Variants in KLF16 observed in about 807,000 individuals in gnomAD.
The protein encoded by KLF16 is Krueppel-like factor 16.
Under a neutral mutation model 6.1 loss-of-function variants are expected in KLF16, and 6 were observed. That is an observed-to-expected ratio of 0.98 (90% CI 0.54 to 1.93). KLF16 has a LOEUF of 1.93. Among genes scored for constraint, KLF16 ranks in the 30% most tolerant of loss-of-function variants. KLF16 has a pLI of 0.01. For missense variants in KLF16, 355 were observed against 363.8 expected (o/e 0.98, Z 0.20); for synonymous variants, 211 against 176.5 (o/e 1.20, Z -1.55).
At chr19:1,866,224 C>T (rs2012186278), upstream of KLF16, among the ~76,000 whole-genome samples, 3 of 151,894 alleles carry the variant, frequency 2.0e-5, no homozygotes, top group Non-Finnish European at 4.4e-5. Flanking sequence ...AGGAGAATCG[C>T]TTGAATCTGG....
chr19:1,867,961 T>TGTGTGTGTGTGC (rs1555831975), upstream of KLF16, among the ~76,000 whole-genome samples: 7 of 146,200 alleles, frequency 4.8e-5, no homozygotes, highest in African/African-American at 1.5e-4. Flanking sequence ...TGTGTGTGTG[T>TGTGTGTGTGTGC]GCGTGCGCGC....
At chr19:1,855,648 G>A (rs1369868963) in intron 1 of KLF16, among the ~76,000 whole-genome samples, 5 of 152,236 alleles carry the variant, frequency 3.3e-5, no homozygotes, top group Non-Finnish European at 7.3e-5. Flanking sequence ...CTCTAGAACT[G>A]TGCCACCCGA....
intron 1 of KLF16, among the ~76,000 whole-genome samples, chr19:1,859,101 C>A (rs2012011609): frequency 6.8e-6 from 1 of 146,138 alleles, no homozygotes; most frequent in Non-Finnish European, 1.5e-5. Flanking sequence ...TATGGCCTGG[C>A]ACTGCCCCAC....
intron 1 of KLF16, among the ~76,000 whole-genome samples, chr19:1,858,382 GC>G (rs1446280938): frequency 6.6e-6 from 1 of 152,172 alleles, no homozygotes; most frequent in Non-Finnish European, 1.5e-5. Context: ...GTGGCCTGGT[GC>G]CCCCCAAGCA....
chr19:1,864,977 C>G (rs898983930), upstream of KLF16, among the ~76,000 whole-genome samples: 1 of 152,220 alleles, frequency 6.6e-6, no homozygotes, highest in Non-Finnish European at 1.5e-5. Context: ...GGACAGAGGC[C>G]CTGACCCGAT....
upstream of KLF16, among the ~76,000 whole-genome samples, chr19:1,864,622 C>T (rs1195601641): frequency 6.6e-6 from 1 of 152,306 alleles, no homozygotes; most frequent in Middle Eastern, 3.4e-3. Context: ...CAGAGGTTCC[C>T]CGCCCTGCTG....
At chr19:1,870,824 C>T in the KLF16 span, among the ~76,000 whole-genome samples, 12 of 152,108 alleles carry the variant, frequency 7.9e-5, no homozygotes, top group South Asian at 8.3e-4. Flanking sequence ...GGTGAAACCC[C>T]GTCTCTACTA....
At chr19:1,859,687 CCCTG>C (rs1386690226) in intron 1 of KLF16, among the ~76,000 whole-genome samples, 1 of 152,146 alleles carries the variant, frequency 6.6e-6, no homozygotes, top group Non-Finnish European at 1.5e-5. Flanking sequence ...TCACTAGCAT[CCCTG>C]TTGCCACCCC....
chr19:1,868,942 C>T, the KLF16 span, among the ~76,000 whole-genome samples: 1 of 152,018 alleles, frequency 6.6e-6, no homozygotes, highest in Non-Finnish European at 1.5e-5. Context: ...CGCACCCGGC[C>T]GATGAGGGGA....
upstream of KLF16, among the ~76,000 whole-genome samples, chr19:1,866,631 C>T (rs925519112): frequency 2.0e-5 from 3 of 150,318 alleles, no homozygotes; most frequent in Non-Finnish European, 3.0e-5. Context: ...AAAAAATTAG[C>T]GGGCGCAGTG....
At chr19:1,856,760 C>A (rs1259147664) in intron 1 of KLF16, among the ~76,000 whole-genome samples, 1 of 152,200 alleles carries the variant, frequency 6.6e-6, no homozygotes, top group Non-Finnish European at 1.5e-5. Context: ...TTGGGGCTCG[C>A]GCCCCTCCAG....
chr19:1,857,623 G>C lies in KLF16; in HGVS notation c.458-2863C>G, dbSNP rs903905984. On this transcript the variant is annotated intron_variant, in intron 1 of 1. Transcript: ENST00000250916. This position sits in a 1 kb window ranked among gnomAD's most constrained non-coding sequence, Gnocchi z 4.7. ...GGACTGTGCCAAGGGCCCTGGTTCCGACAGGGAAGCCTCACCTCCTGAGCT... is the reference window on the plus strand; with the variant it reads ...GGACTGTGCCAAGGGCCCTGGTTCCCACAGGGAAGCCTCACCTCCTGAGCT... Among the ~76,000 whole-genome samples, 1 of 152,038 alleles carries C rather than the reference G, an allele frequency of 6.6e-6. No individual in the cohort carries two copies. The highest frequency in any genetic ancestry group is 1.5e-5 in the Non-Finnish European group (1 of 67,980).
At chr19:1,858,806 G>A (rs1383464260) in intron 1 of KLF16, among the ~76,000 whole-genome samples, 1 of 152,124 alleles carries the variant, frequency 6.6e-6, no homozygotes, top group Non-Finnish European at 1.5e-5. Flanking sequence ...CAAGGACCCT[G>A]GTGCCTGTGT....
chr19:1,861,110 A>G (rs544598434), intron 1 of KLF16, among the ~76,000 whole-genome samples: 5 of 151,846 alleles, frequency 3.3e-5, no homozygotes, highest in Non-Finnish European at 7.4e-5. Context: ...CGGGATAACA[A>G]TACTGCCTTC....
At chr19:1,859,276 TCCTGGGGC>T (rs2012014914) in intron 1 of KLF16, among the ~76,000 whole-genome samples, 1 of 152,004 alleles carries the variant, frequency 6.6e-6, no homozygotes, top group Non-Finnish European at 1.5e-5. Context: ...CCACCTGTCC[TCCTGGGGC>T]CCTCTTCAGC....
chr19:1,860,099 C>A (rs376768601), intron 1 of KLF16, among the ~76,000 whole-genome samples: 1 of 104,388 alleles, frequency 9.6e-6, no homozygotes, highest in East Asian at 2.7e-4. Flanking sequence ...GACGGTGTGC[C>A]GGGCACTGGC....
intron 1 of KLF16, among the ~76,000 whole-genome samples, chr19:1,855,076 G>C (rs116486322): frequency 6.6e-6 from 1 of 152,116 alleles, no homozygotes; most frequent in Non-Finnish European, 1.5e-5. Flanking sequence ...CCAGGCCCTC[G>C]CAGCCTCTGG....
chr19:1,862,294 G>C (rs1306044554), intron 1 of KLF16, among the ~76,000 whole-genome samples: 1 of 152,184 alleles, frequency 6.6e-6, no homozygotes, highest in Non-Finnish European at 1.5e-5. Flanking sequence ...GCGCTAGGAG[G>C]GGCGTTGGTG....
the KLF16 span, among the ~76,000 whole-genome samples, chr19:1,870,079 C>T: frequency 0.012 from 1,756 of 151,760 alleles, 34 homozygotes; most frequent in African/African-American, 0.04. Flanking sequence ...ATTACAGGCA[C>T]GTGCCACCAA....
Sources: allele counts gnomAD v4.1 joint callset (sites outside exome capture counted in the v4.1 genomes callset), GRCh38; gene constraint gnomAD v4.1.1; non-coding constraint Gnocchi (gnomAD v3.1); transcripts MANE v1.5; gene names NCBI Gene and HGNC (gene_info 2026-07-23, HGNC 2026-07-21).